Variants in CDHR3 observed in about 807,000 individuals in gnomAD.
CDHR3 encodes the protein cadherin-related family member 3.
Under a neutral mutation model 86.6 loss-of-function variants are expected in CDHR3, and 79 were observed. The observed-to-expected ratio is 0.91, with a 90% CI of 0.76 to 1.10. The LOEUF is 1.10. CDHR3 is among the 50% of genes least tolerant of loss of function. The pLI is 0.00. For missense variants in CDHR3, 1,081 were observed against 1,077.6 expected (o/e 1.00, Z -0.04); for synonymous variants, 421 against 402.4 (o/e 1.05, Z -0.55).
At chr7:105,976,288 A>G (rs1828799370) in intron 2 of CDHR3, among the ~76,000 whole-genome samples, 1 of 152,204 alleles carries the variant, frequency 6.6e-6, no homozygotes. Flanking sequence ...GTCTCAAAAC[A>G]TAAGGATTGT....
intron 1 of CDHR3, among the ~76,000 whole-genome samples, chr7:105,969,292 G>T (rs1242281174): frequency 4.0e-5 from 6 of 149,662 alleles, no homozygotes; most frequent in African/African-American, 1.5e-4. Context: ...CCAGCTACTC[G>T]GGAGGCTGAG....
At chr7:105,969,397 CA>C (rs760242300) in intron 1 of CDHR3, among the ~76,000 whole-genome samples, 15,107 of 79,382 alleles carry the variant, frequency 0.19, 404 homozygotes, top group East Asian at 0.29. Flanking sequence ...GACTCCGTCT[CA>C]AAAAAAAAAA....
intron 13 of CDHR3, 49 bp downstream of exon 13, chr7:106,020,593 A>C (rs781739681): frequency 1.3e-6 from 2 of 1,576,568 alleles, no homozygotes; most frequent in African/African-American, 2.7e-5. Context: ...GAGGACCCTG[A>C]AGTTGTCTAG....
intron 8 of CDHR3, among the ~76,000 whole-genome samples, chr7:106,010,938 C>A (rs1834705216): frequency 1.3e-5 from 2 of 152,208 alleles, no homozygotes; most frequent in South Asian, 4.1e-4. Context: ...GAGCCAGTGT[C>A]AACTGACATA....
intron 3 of CDHR3, 86 bp downstream of exon 3, chr7:105,981,219 T>C: frequency 1.5e-6 from 2 of 1,363,266 alleles, no homozygotes; most frequent in Non-Finnish European, 2.0e-6. Context: ...AAAAAGTAAA[T>C]AAACAAGCAG....
rs1207272857 is a variant in CDHR3 at position 105,978,471 on chromosome 7, C to T, written c.250-2497C>T. Among the ~76,000 whole-genome samples, 4 of 152,144 alleles carry T rather than the reference C, an allele frequency of 2.6e-5. No individual in the cohort carries two copies. In the East Asian group the frequency reaches 7.7e-4, roughly 29 times the overall value. ...CAGAACAACCTCAAATTTAACATGC[C>T]TAAAGTGAAACTTACTGTCTTTCAC... On this transcript the variant is annotated intron_variant, in intron 2 of 18. Coordinates refer to ENST00000317716, the MANE Select transcript of CDHR3 (RefSeq NM_152750.5).
chr7:106,021,899 C>G, intron 13 of CDHR3, among the ~76,000 whole-genome samples: 1 of 152,230 alleles, frequency 6.6e-6, no homozygotes, highest in East Asian at 1.9e-4. Context: ...TACAAAGTCT[C>G]TGCTTAATAC....
Position 106,001,630 on chromosome 7 carries a change from C to T in CDHR3, c.862+20C>T, listed in dbSNP as rs1220742780. ...ATCAGTGTAAGCCACTCACTTCCAT[C>T]CTTAAGTGCATCCTCTAATTCAGCC... On this transcript the variant is annotated intron_variant, in intron 7 of 18. Transcript: ENST00000317716. 10 of 1,612,848 alleles carry T rather than the reference C, an allele frequency of 6.2e-6. No homozygotes were observed. Among genetic ancestry groups the T allele is most frequent in the Non-Finnish European group, 7.6e-6 (9 of 1,179,096 alleles).
At chr7:106,028,665 G>T (rs1227575542) in intron 17 of CDHR3, 83 bp downstream of exon 17, 1 of 1,448,932 alleles carries the variant, frequency 6.9e-7, no homozygotes. Context: ...GCCTGCCACA[G>T]CCTTGTGGGC....
At chr7:105,998,343 G>A (rs557201222) in intron 6 of CDHR3, among the ~76,000 whole-genome samples, 22 of 152,248 alleles carry the variant, frequency 1.4e-4, no homozygotes, top group South Asian at 1.0e-3. Flanking sequence ...TTTGTTAAAC[G>A]CATGCAATTA....
At chr7:105,990,750 A>G (rs1831230572) in intron 4 of CDHR3, among the ~76,000 whole-genome samples, 1 of 152,220 alleles carries the variant, frequency 6.6e-6, no homozygotes, top group South Asian at 2.1e-4. Flanking sequence ...TGATAGCTGC[A>G]AAGTGGCACA....
chr7:105,996,041 C>T (rs1395019189), intron 5 of CDHR3, among the ~76,000 whole-genome samples: 1 of 152,086 alleles, frequency 6.6e-6, no homozygotes, highest in East Asian at 1.9e-4. Flanking sequence ...GTGAATAGCC[C>T]CTGCAGAATG....
intron 7 of CDHR3, among the ~76,000 whole-genome samples, chr7:106,003,989 C>CA (rs55815648): frequency 0.06 from 4,799 of 80,074 alleles, 88 homozygotes; most frequent in South Asian, 0.18. Context: ...CCAACCTAAC[C>CA]AAAAAAAAAA....
intron 4 of CDHR3, among the ~76,000 whole-genome samples, chr7:105,988,038 C>T (rs1038469005): frequency 2.0e-5 from 3 of 152,096 alleles, no homozygotes; most frequent in African/African-American, 7.2e-5. Context: ...CTACAGGTGC[C>T]CGCCATCACA....
chr7:106,012,958 A>T lies in CDHR3; in HGVS notation c.1151A>T (p.Asn384Ile). The change falls in exon 9 of 19, where the codon AAC becomes ATC. Residue 384 changes from asparagine (N) to isoleucine (I), a missense_variant. Coordinates refer to ENST00000317716, the MANE Select transcript of CDHR3 (RefSeq NM_152750.5). ...DDSEAPNNRFNFTMPSGVGSG... is the reference protein window; with the variant it reads ...DDSEAPNNRFIFTMPSGVGSG... Reference sequence around the variant, plus strand: ...AGTGAGGCACCAAACAACAGATTCAACTTCACCATGCCATCTGGAGTGGGG... The same window carrying T: ...AGTGAGGCACCAAACAACAGATTCATCTTCACCATGCCATCTGGAGTGGGG... The T allele has an allele frequency of 6.2e-7, 1 of 1,613,694 alleles. No homozygotes were observed. Among genetic ancestry groups the T allele is most frequent in the Non-Finnish European group, 8.5e-7 (1 of 1,179,758 alleles).
chr7:105,999,738 T>A (rs2115778780), intron 6 of CDHR3, among the ~76,000 whole-genome samples: 1 of 152,258 alleles, frequency 6.6e-6, no homozygotes, highest in Middle Eastern at 3.4e-3. Context: ...TTCCGAAACA[T>A]TAAAGTCTAT....
At chr7:105,987,240 C>A (rs774514159) in intron 4 of CDHR3, among the ~76,000 whole-genome samples, 2 of 152,046 alleles carry the variant, frequency 1.3e-5, no homozygotes, top group Non-Finnish European at 2.9e-5. Flanking sequence ...AGAGCAGCTG[C>A]GGGGGCTTGT....
At chr7:105,978,280 G>A (rs1436235088) in intron 2 of CDHR3, among the ~76,000 whole-genome samples, 1 of 152,180 alleles carries the variant, frequency 6.6e-6, no homozygotes, top group Non-Finnish European at 1.5e-5. Flanking sequence ...AGCTTAAGAG[G>A]CCAGGGAAGA....
intron 1 of CDHR3, among the ~76,000 whole-genome samples, chr7:105,972,544 A>G (rs1828146583): frequency 6.6e-6 from 1 of 152,180 alleles, no homozygotes; most frequent in African/African-American, 2.4e-5. Flanking sequence ...TGAACAGCTC[A>G]GAGAGGTATG....
Sources: gnomAD v4.1 joint callset for allele counts (sites outside exome capture counted in the v4.1 genomes callset) on GRCh38, gnomAD v4.1.1 for gene constraint, MANE v1.5 for transcripts, NCBI Gene and HGNC (gene_info 2026-07-23, HGNC 2026-07-21) for gene names.